CD300LG: variants seen among roughly 807,000 people sequenced by gnomAD.
CD300LG encodes the protein CD300 molecule like family member g.
In CD300LG, 29 loss-of-function variants were observed where a neutral mutation model predicts 31.5. The ratio of observed to expected loss-of-function variants is 0.92; its 90% CI spans 0.68 to 1.25. The LOEUF (loss-of-function observed/expected upper bound fraction) is 1.25, where lower values mean the gene tolerates loss of function less well. CD300LG is among the 50% of genes most tolerant of loss of function. The probability of loss-of-function intolerance (pLI) is 0.00; values close to 1 mark genes in which losing one functional copy is unlikely to be tolerated. For synonymous variants in CD300LG, 175 were observed against 177.2 expected (o/e 0.99, Z 0.10); for missense variants, 396 against 417.6 (o/e 0.95, Z 0.45).
chr17:43,863,499 T>G lies in CD300LG; in HGVS notation c.*1588T>G, dbSNP rs1183494131. The G allele has an allele frequency of 2.0e-5, 3 of 152,230 alleles. No individual in the cohort carries two copies. The highest frequency in any genetic ancestry group is 4.4e-5 in the Non-Finnish European group (3 of 68,042). 9.4% of individuals were successfully genotyped at this position (152,230 alleles called of 1,614,324 possible). ...TTCACATAATTTGCCGGTGTTCTTT[T>G]TACAGAGCAATTATCTTGTATATAC... On this transcript the variant is annotated 3_prime_UTR_variant, in exon 7 of 7. Transcript: ENST00000317310.
intron 1 of CD300LG, among the ~76,000 whole-genome samples, chr17:43,848,266 A>C (rs2046243110): frequency 6.6e-6 from 1 of 152,042 alleles, no homozygotes; most frequent in Non-Finnish European, 1.5e-5. Context: ...AAACAAACAA[A>C]ACAAAACAAA....
chr17:43,857,078 G>C, intron 5 of CD300LG, 26 bp from the exon 6 acceptor site: 1 of 1,613,666 alleles, frequency 6.2e-7, no homozygotes, highest in Non-Finnish European at 8.5e-7. Context: ...GGCTTCAAGG[G>C]GCTCCTCCTT....
rs781576192 is a variant in CD300LG, at chr17:43,853,975, C to G, written c.650C>G (p.Pro217Arg). 1.1e-5 allele frequency: 18 copies of G among 1,614,082 alleles called. 1 individual carries two copies. Among genetic ancestry groups the G allele is most frequent in the African/African-American group, 4.0e-5 (3 of 74,928 alleles). ...CCTCCTGCAGGGAGCTCCCGCCCCCCCATGCAGCTGGACTCCACCTCAGCA... is the reference window on the plus strand; with the variant it reads ...CCTCCTGCAGGGAGCTCCCGCCCCCGCATGCAGCTGGACTCCACCTCAGCA... Reference protein sequence around the residue: ...TSPPAGSSRPPMQLDSTSAED... With the variant: ...TSPPAGSSRPRMQLDSTSAED... Residue 217 changes from proline to arginine, a missense_variant, in exon 4 of 7, where the codon CCC becomes CGC. Physicochemically the swap from Pro to Arg is moderately radical, Grantham distance 103. Transcript: ENST00000317310.
At chr17:43,857,792 C>T in intron 6 of CD300LG, 1 of 1,537,306 alleles carries the variant, frequency 6.5e-7, no homozygotes. Context: ...CTTTCCAGAA[C>T]TCCCTGATGT....
rs2046665123 is a variant in CD300LG, at chr17:43,862,034, C to T, written c.*123C>T. 2 of 608,450 alleles carry T rather than the reference C, an allele frequency of 3.3e-6. No individual in the cohort carries two copies. Among genetic ancestry groups the T allele is most frequent in the Admixed American group, 6.7e-5 (2 of 29,684 alleles). The allele number at this position is 608,450 out of a possible 1,614,324, so 37.7% of individuals were successfully genotyped here. A position where few individuals can be genotyped will look rare whatever the true frequency, so the allele number is the denominator to read the frequency against. ...GCTGCCCGGACTCCAGGGCTCTCCC[C>T]ACCCTCCCCAGGCTCTCCTCTTGCA... On this transcript the variant is annotated 3_prime_UTR_variant, in exon 7 of 7. Transcript: ENST00000317310.
intron 1 of CD300LG, among the ~76,000 whole-genome samples, chr17:43,848,059 G>T (rs537423144): frequency 6.6e-6 from 1 of 152,164 alleles, no homozygotes; most frequent in Admixed American, 6.5e-5. Flanking sequence ...TGGCTAACAC[G>T]GTGAAACCCC....
At chr17:43,857,407 C>T (rs1471361483) in intron 6 of CD300LG, 3 of 1,536,562 alleles carry the variant, frequency 2.0e-6, no homozygotes, top group Non-Finnish European at 2.6e-6. Context: ...GCAGGGTGGG[C>T]TCCAGGAGCC....
intron 2 of CD300LG, among the ~76,000 whole-genome samples, chr17:43,851,675 G>A (rs527775015): frequency 2.9e-5 from 4 of 139,456 alleles, no homozygotes; most frequent in African/African-American, 5.5e-5. Flanking sequence ...TTGAGACGGA[G>A]TCTCGCTCTG....
chr17:43,850,412 G>A (rs1040265048), intron 2 of CD300LG, among the ~76,000 whole-genome samples: 3 of 152,160 alleles, frequency 2.0e-5, no homozygotes, highest in African/African-American at 7.2e-5. Context: ...AAAGACAAAT[G>A]TAGCCACTAT....
At chr17:43,851,909 G>A (rs1377872418) in intron 2 of CD300LG, among the ~76,000 whole-genome samples, 1 of 152,064 alleles carries the variant, frequency 6.6e-6, no homozygotes, top group African/African-American at 2.4e-5. Flanking sequence ...AGCGCCACTG[G>A]AGGCACGCAC....
intron 6 of CD300LG, among the ~76,000 whole-genome samples, chr17:43,859,604 C>T (rs1452314023): frequency 6.6e-6 from 1 of 152,174 alleles, no homozygotes; most frequent in Admixed American, 6.5e-5. Flanking sequence ...TCAGCAGTGG[C>T]TGGGTTAAAA....
intron 2 of CD300LG, 60 bp from the exon 3 acceptor site, chr17:43,852,852 G>A: frequency 7.3e-7 from 1 of 1,372,710 alleles, no homozygotes; most frequent in Non-Finnish European, 1.0e-6. Context: ...CTGCTCCCAA[G>A]GAAGGAAAAG....
At chr17:43,857,268 G>A in intron 6 of CD300LG, 112 bp downstream of exon 6, 1 of 1,447,062 alleles carries the variant, frequency 6.9e-7, no homozygotes, top group Non-Finnish European at 9.5e-7. Flanking sequence ...GCCTGACCTA[G>A]AGGCAGCGCT....
chr17:43,847,228 G>T lies in CD300LG; in HGVS notation c.12G>T (p.Leu4=). ...GTCCAGCGCCCAGAATGCGGCTTCT[G>T]GTCCTGCTATGGGGTTGCCTGCTGC... MRL[L]VLLWGCLLLP... The change falls in exon 1 of 7, where the codon CTG becomes CTT. Residue 4 remains leucine, a synonymous_variant. Coordinates refer to ENST00000317310, the MANE Select transcript of CD300LG (RefSeq NM_145273.4). 1 of 1,613,956 alleles carries T rather than the reference G, an allele frequency of 6.2e-7. No homozygotes were observed. Among genetic ancestry groups the T allele is most frequent in the Non-Finnish European group, 8.5e-7 (1 of 1,179,918 alleles).
chr17:43,858,114 C>T, intron 6 of CD300LG: 1 of 1,351,864 alleles, frequency 7.4e-7, no homozygotes, highest in Non-Finnish European at 9.5e-7. Flanking sequence ...AGCGGAGCTA[C>T]CATTGCCTTC....
At position 43,853,723 on chromosome 17, in the gene CD300LG, G is replaced by A. The variant is rs114915030; in HGVS notation, c.482-84G>A. ...AGAAACGGGTCCCAGGGAGGCTAGG[G>A]TTCAGGGGTCCAGGGTCAGAAGTCA... On this transcript the variant is annotated intron_variant, in intron 3 of 6. Coordinates refer to ENST00000317310, the MANE Select transcript of CD300LG (RefSeq NM_145273.4). 8.0e-4 allele frequency: 913 copies of A among 1,139,986 alleles called. 3 individuals carry two copies. In the African/African-American group the frequency reaches 8.2e-3, roughly 10 times the overall value. The allele number at this position is 1,139,986 out of a possible 1,614,324, so 70.6% of individuals were successfully genotyped here. A position where few individuals can be genotyped will look rare whatever the true frequency, so the allele number is the denominator to read the frequency against.
At chr17:43,851,467 A>G (rs903421898) in intron 2 of CD300LG, among the ~76,000 whole-genome samples, 1 of 152,030 alleles carries the variant, frequency 6.6e-6, no homozygotes, top group African/African-American at 2.4e-5. Flanking sequence ...GATAGGGGAT[A>G]CTCAATCTGT....
intron 2 of CD300LG, among the ~76,000 whole-genome samples, chr17:43,850,832 A>T (rs1282422392): frequency 6.6e-6 from 1 of 152,140 alleles, no homozygotes; most frequent in African/African-American, 2.4e-5. Context: ...AGGCAATGAA[A>T]TATGCAAGAT....
chr17:43,847,338 G>T, intron 1 of CD300LG, 79 bp downstream of exon 1: 1 of 1,402,774 alleles, frequency 7.1e-7, no homozygotes. Context: ...TTGACTGACT[G>T]ATAGCCCCAC....
Sources: allele counts gnomAD v4.1 joint callset (sites outside exome capture counted in the v4.1 genomes callset), GRCh38; gene constraint gnomAD v4.1.1; transcripts MANE v1.5; gene names NCBI Gene and HGNC (gene_info 2026-07-23, HGNC 2026-07-21).